JHY: variants seen among roughly 807,000 people sequenced by gnomAD.
The protein encoded by JHY is jhy protein homolog.
A neutral mutation model predicts 78.0 loss-of-function variants in JHY; 69 were observed. That is an observed-to-expected ratio of 0.88 (90% CI 0.73 to 1.08). JHY has a LOEUF of 1.08. Ranked by LOEUF, JHY falls within the 50% of genes least tolerant of loss-of-function variation. The probability of loss-of-function intolerance (pLI) is 0.00; values close to 1 mark genes in which losing one functional copy is unlikely to be tolerated. For synonymous variants in JHY, 368 were observed against 342.6 expected (o/e 1.07, Z -0.82); for missense variants, 944 against 927.8 (o/e 1.02, Z -0.23).
Position 122,917,974 on chromosome 11 carries a change from C to T in JHY, c.865-6923C>T, listed in dbSNP as rs1863268737. 6.6e-6 allele frequency among the ~76,000 whole-genome samples: 1 copy of T among 151,786 alleles called. No individual in the cohort carries two copies. The highest frequency in any genetic ancestry group is 1.5e-5 in the Non-Finnish European group (1 of 68,038). ...GGAATGCAGTGGCGCCATCTCAGCT[C>T]ACTGCAACCTCTGCCTCCCGGGTCC... On this transcript the variant is annotated intron_variant, in intron 3 of 8. Coordinates refer to ENST00000227349, the MANE Select transcript of JHY (RefSeq NM_024806.4). The surrounding 1 kb of genome is among the most constrained non-coding windows in gnomAD (Gnocchi z 4.1).
At chr11:122,928,072 G>C (rs527735633) in intron 4 of JHY, among the ~76,000 whole-genome samples, 1 of 152,146 alleles carries the variant, frequency 6.6e-6, no homozygotes, top group Non-Finnish European at 1.5e-5. Flanking sequence ...TTAAGGTACC[G>C]ATTGTATTTT....
At chr11:122,947,607 G>C (rs1015241096) in intron 6 of JHY, 4 of 152,178 alleles carry the variant, frequency 2.6e-5, no homozygotes, top group Non-Finnish European at 5.9e-5. Context: ...GAAAAAAGCT[G>C]GAAATGCATT....
intron 2 of JHY, among the ~76,000 whole-genome samples, chr11:122,887,384 G>A (rs1334204769): frequency 2.6e-5 from 4 of 152,072 alleles, no homozygotes; most frequent in African/African-American, 7.2e-5. Context: ...GTGCAGTGGC[G>A]CAATCTCAGC....
At chr11:122,889,128 A>G (rs561866487) in intron 2 of JHY, among the ~76,000 whole-genome samples, 2 of 152,022 alleles carry the variant, frequency 1.3e-5, no homozygotes, top group Non-Finnish European at 2.9e-5. Context: ...AACTTTTGCC[A>G]CTCTGATGGG....
intron 1 of JHY, among the ~76,000 whole-genome samples, chr11:122,884,598 T>TA (rs1158600631): frequency 1.3e-5 from 2 of 152,122 alleles, no homozygotes; most frequent in African/African-American, 4.8e-5. Context: ...TAATGACCCT[T>TA]ACAGACAGTG....
At chr11:122,895,111 C>G (rs137893527) in intron 2 of JHY, among the ~76,000 whole-genome samples, 1 of 152,070 alleles carries the variant, frequency 6.6e-6, no homozygotes, top group Non-Finnish European at 1.5e-5. Flanking sequence ...TTCAGAAATC[C>G]TTGGAAACAA....
At chr11:122,939,343 A>G (rs1351189400) in intron 5 of JHY, among the ~76,000 whole-genome samples, 1 of 151,974 alleles carries the variant, frequency 6.6e-6, no homozygotes, top group Non-Finnish European at 1.5e-5. Flanking sequence ...TCTCACATAG[A>G]CTTTCACCAC....
chr11:122,956,598 T>C (rs778847064), intron 7 of JHY, 22 bp downstream of exon 7: 11 of 1,606,768 alleles, frequency 6.8e-6, no homozygotes, highest in Non-Finnish European at 9.4e-6. Flanking sequence ...GCACATACAG[T>C]GTTTCCAGAC....
In JHY at chr11:122,923,168, A is replaced by G. The variant is rs143540506; in HGVS notation, c.865-1729A>G. ...AGCTGCGCAGAGCTGTTGTCTGAAGAAGGAGTTAGTCTGTTCTGTGTTATT... is the reference window on the plus strand; with the variant it reads ...AGCTGCGCAGAGCTGTTGTCTGAAGGAGGAGTTAGTCTGTTCTGTGTTATT... On this transcript the variant is annotated intron_variant, in intron 3 of 8. Coordinates refer to ENST00000227349, the MANE Select transcript of JHY (RefSeq NM_024806.4). Among the ~76,000 whole-genome samples the G allele has an allele frequency of 3.7e-3, 567 of 152,308 alleles. 5 individuals carry two copies. Among genetic ancestry groups the G allele is most frequent in the African/African-American group, 0.013 (539 of 41,562 alleles).
At chr11:122,888,667 C>T (rs1439613354) in intron 2 of JHY, among the ~76,000 whole-genome samples, 1 of 152,050 alleles carries the variant, frequency 6.6e-6, no homozygotes, top group East Asian at 1.9e-4. Context: ...GATAAAGTTT[C>T]CATGTACCCC....
intron 3 of JHY, among the ~76,000 whole-genome samples, chr11:122,916,682 C>G (rs1305803104): frequency 6.6e-6 from 1 of 152,122 alleles, no homozygotes; most frequent in Non-Finnish European, 1.5e-5. Flanking sequence ...CTCTGTCAAC[C>G]AGGCTAGAGC....
chr11:122,936,472 A>G (rs1037189797), intron 5 of JHY, among the ~76,000 whole-genome samples: 2 of 151,318 alleles, frequency 1.3e-5, no homozygotes, highest in South Asian at 2.1e-4. Context: ...TGACACTTTT[A>G]CCATTAAAAA....
In JHY at chr11:122,934,467, T is replaced by G. The variant is rs914915676; in HGVS notation, c.1026T>G (p.Asn342Lys). 4 of 1,613,702 alleles carry G rather than the reference T, an allele frequency of 2.5e-6. No homozygotes were observed. In the African/African-American group the frequency reaches 5.3e-5, roughly 22 times the overall value. Residue 342 changes from asparagine (N) to lysine (K), a missense_variant, in exon 5 of 9, where the codon AAT becomes AAG. Transcript: ENST00000227349. ...AATATGAAAGTACAAAATCAAGCAATGTACCAAGAGGGCAACCTTCTGACA... is the reference window on the plus strand; with the variant it reads ...AATATGAAAGTACAAAATCAAGCAAGGTACCAAGAGGGCAACCTTCTGACA... ...WSQYESTKSS[N>K]VPRGQPSDMV... is the part of the protein sequence containing the mutation.
At chr11:122,899,314 G>C (rs1285425656) in intron 2 of JHY, among the ~76,000 whole-genome samples, 1 of 152,078 alleles carries the variant, frequency 6.6e-6, no homozygotes, top group Non-Finnish European at 1.5e-5. Flanking sequence ...TGGGAAAATA[G>C]CACCTTTCTT....
rs770411598 is a variant in JHY at position 122,885,824 on chromosome 11, CCT to C, written c.-25_-24del. On this transcript the variant is annotated 5_prime_UTR_variant, in exon 2 of 9. Transcript: ENST00000227349. ...GCTGCTCCTATCAACACGAGTATCC[CCT>C]GTTAATTTTTTGCATTTTTCAAGAT... 174 of 1,546,984 alleles carry C rather than the reference CCT, an allele frequency of 1.1e-4. No homozygotes were observed. Among genetic ancestry groups the C allele is most frequent in the South Asian group, 3.0e-4 (26 of 85,886 alleles).
intron 2 of JHY, among the ~76,000 whole-genome samples, chr11:122,890,084 C>T (rs1299642178): frequency 6.6e-6 from 1 of 151,000 alleles, no homozygotes; most frequent in African/African-American, 2.4e-5. Context: ...GAAACTTTAA[C>T]TGAAATTATA....
chr11:122,913,172 C>T (rs528480395), intron 3 of JHY, among the ~76,000 whole-genome samples: 2 of 152,264 alleles, frequency 1.3e-5, no homozygotes, highest in African/African-American at 4.8e-5. Flanking sequence ...ACACCCCACA[C>T]TCGCCATGCT....
intron 4 of JHY, among the ~76,000 whole-genome samples, chr11:122,934,122 G>A (rs907848929): frequency 6.6e-5 from 10 of 151,918 alleles, no homozygotes; most frequent in South Asian, 2.1e-4. Context: ...GAAAAAAATC[G>A]TCTACTTTTT....
Position 122,904,433 on chromosome 11 carries a change from C to T in JHY, c.853C>T (p.His285Tyr), listed in dbSNP as rs746470145. ...QLHNKKRGES[H>Y]PEQISYPVRV... ...TCACAATAAAAAAAGAGGGGAATCT[C>T]ATCCAGAACAGGTACGTAGTGGCTA... Residue 285 changes from histidine to tyrosine, a missense_variant, in exon 3 of 9, where the codon CAT (histidine) becomes TAT (tyrosine). Coordinates refer to ENST00000227349, the MANE Select transcript of JHY (RefSeq NM_024806.4). 1.2e-6 allele frequency: 2 copies of T among 1,612,224 alleles called. No homozygotes were observed. Among genetic ancestry groups the T allele is most frequent in the Non-Finnish European group, 1.7e-6 (2 of 1,178,962 alleles).
Sources: allele counts gnomAD v4.1 joint callset (sites outside exome capture counted in the v4.1 genomes callset), GRCh38; gene constraint gnomAD v4.1.1; non-coding constraint Gnocchi (gnomAD v3.1); transcripts MANE v1.5; gene names NCBI Gene and HGNC (gene_info 2026-07-23, HGNC 2026-07-21).